The following TRPS1 variants were observed in gnomAD, a reference collection of about 807,000 sequenced individuals.
The protein encoded by TRPS1 is zinc finger transcription factor Trps1.
Under a neutral mutation model 101.2 loss-of-function variants are expected in TRPS1, and 6 were observed. That is an observed-to-expected ratio of 0.06 (90% CI 0.03 to 0.12). The LOEUF is 0.12. Among genes scored for constraint, TRPS1 ranks in the 10% least tolerant of loss-of-function variants. TRPS1 has a pLI of 1.00. For synonymous variants in TRPS1, 578 were observed against 589.8 expected (o/e 0.98, Z 0.29); for missense variants, 1,363 against 1,567.0 (o/e 0.87, Z 2.20).
intron 5 of TRPS1, among the ~76,000 whole-genome samples, chr8:115,499,079 C>T (rs1376886264): frequency 6.6e-6 from 1 of 152,118 alleles, no homozygotes; most frequent in Non-Finnish European, 1.5e-5. Flanking sequence ...TCAAGCAGAA[C>T]TTATAACTAT....
rs374694464 is a variant in TRPS1, at chr8:115,576,322, G to GATATAGATATAGATATAGATATAT, written c.2700+10678_2700+10679insATATATCTATATCTATATCTATAT. ...AGATATAGATATAGATATAGATCTA[G>GATATAGATATAGATATAGATATAT]ATCTTTGGACATCAGCATCATTACG... On this transcript the variant is annotated intron_variant, in intron 5 of 6. Coordinates refer to ENST00000395715, the MANE Select transcript of TRPS1 (RefSeq NM_014112.5). Among the ~76,000 whole-genome samples the GATATAGATATAGATATAGATATAT allele has an allele frequency of 2.1e-4, 30 of 143,270 alleles. 3 individuals carry two copies. The highest frequency in any genetic ancestry group is 6.1e-4 in the African/African-American group (23 of 37,752). 94.0% of individuals were successfully genotyped at this position (143,270 alleles called of 152,430 possible). A position where few individuals can be genotyped will look rare whatever the true frequency, so the allele number is the denominator to read the frequency against.
At chr8:115,616,237 A>T (rs1405652859) in intron 3 of TRPS1, among the ~76,000 whole-genome samples, 2 of 152,176 alleles carry the variant, frequency 1.3e-5, no homozygotes, top group Non-Finnish European at 2.9e-5. Context: ...GTATTTTTAC[A>T]AAGTTGTAAT....
intron 5 of TRPS1, among the ~76,000 whole-genome samples, chr8:115,513,206 T>C (rs1280769491): frequency 6.6e-6 from 1 of 151,754 alleles, no homozygotes; most frequent in African/African-American, 2.4e-5. Flanking sequence ...ATGAATTCAG[T>C]TGCCTTCAAT....
intron 5 of TRPS1, among the ~76,000 whole-genome samples, chr8:115,504,068 T>C (rs1815382848): frequency 6.6e-6 from 1 of 152,226 alleles, no homozygotes; most frequent in Admixed American, 6.5e-5. Context: ...GTTAACTTCC[T>C]TGTATTCTTG....
At chr8:115,557,243 G>T (rs1816842952) in intron 5 of TRPS1, among the ~76,000 whole-genome samples, 1 of 152,082 alleles carries the variant, frequency 6.6e-6, no homozygotes, top group Non-Finnish European at 1.5e-5. Context: ...TTCAAGACTA[G>T]ATTTGGGTGG....
intron 4 of TRPS1, among the ~76,000 whole-genome samples, chr8:115,588,054 A>T (rs1817607628): frequency 6.6e-6 from 1 of 152,244 alleles, no homozygotes; most frequent in Non-Finnish European, 1.5e-5. Context: ...CACCTGATTT[A>T]AAATGCCCTT....
intron 5 of TRPS1, among the ~76,000 whole-genome samples, chr8:115,525,933 T>G (rs1022206380): frequency 1.3e-5 from 2 of 152,116 alleles, no homozygotes; most frequent in Non-Finnish European, 2.9e-5. Flanking sequence ...GTTAAGCAAA[T>G]CTTTCAGCTA....
chr8:115,667,916 A>G (rs774205217), intron 1 of TRPS1: 1 of 1,535,372 alleles, frequency 6.5e-7, no homozygotes, highest in South Asian at 1.2e-5. Context: ...GCTTGTCACG[A>G]GCCCCCAGAA....
In TRPS1 at chr8:115,635,463, A is replaced by T. The variant is rs180737745; in HGVS notation, c.-121-11705T>A. ...CATTCAACATAGTTTCTGAGGGCCA[A>T]CTATGTGTCAGGCATTGAGTAAAGT... On this transcript the variant is annotated intron_variant, in intron 1 of 6. Transcript: ENST00000395715. 1.9e-3 allele frequency among the ~76,000 whole-genome samples: 292 copies of T among 152,318 alleles called. 1 individual carries two copies. Among genetic ancestry groups the T allele is most frequent in the Non-Finnish European group, 3.4e-3 (229 of 68,034 alleles).
intron 1 of TRPS1, among the ~76,000 whole-genome samples, chr8:115,642,383 T>G (rs1818921996): frequency 6.6e-6 from 1 of 152,018 alleles, no homozygotes; most frequent in Admixed American, 6.6e-5. Flanking sequence ...AATACAGAAC[T>G]GTGTTTAAAT....
chr8:115,454,655 A>C (rs370025643), intron 5 of TRPS1, among the ~76,000 whole-genome samples: 1 of 152,280 alleles, frequency 6.6e-6, no homozygotes, highest in Non-Finnish European at 1.5e-5. Context: ...CTGCTGAGTT[A>C]AATTTTATTA....
chr8:115,423,973 TTGAA>T, intron 5 of TRPS1, among the ~76,000 whole-genome samples: 1 of 152,338 alleles, frequency 6.6e-6, no homozygotes, highest in South Asian at 2.1e-4. Flanking sequence ...GTAAATTTGA[TTGAA>T]TGATTTATTA....
intron 5 of TRPS1, among the ~76,000 whole-genome samples, chr8:115,585,497 T>C (rs553564762): frequency 2.0e-5 from 3 of 152,286 alleles, no homozygotes; most frequent in South Asian, 4.1e-4. Flanking sequence ...GGCCCCCAAA[T>C]ATACCATACT....
At position 115,604,657 on chromosome 8, in the gene TRPS1, G is replaced by T. The variant is rs1563637904; in HGVS notation, c.1312C>A (p.Gln438Lys). ...TAACTGGTGGCCTCTGTACCATTTT[G>T]TCTAGAGGAATCGAGGGGCTTTATG... ...VPIKPLDSSR[Q>K]NGTEATSYYW... Residue 438 changes from glutamine to lysine, a missense_variant, in exon 4 of 7, where the codon CAA (glutamine) becomes AAA (lysine). This residue lies in a region of TRPS1 where 1,020 missense variants were observed against 1,073.0 expected (regional missense o/e 0.95). Coordinates refer to ENST00000395715, the MANE Select transcript of TRPS1 (RefSeq NM_014112.5). This position sits in a 1 kb window ranked among gnomAD's most constrained non-coding sequence, Gnocchi z 4.1. The T allele has an allele frequency of 1.2e-6, 2 of 1,614,008 alleles. No individual in the cohort carries two copies. The highest frequency in any genetic ancestry group is 1.7e-6 in the Non-Finnish European group (2 of 1,179,996).
chr8:115,523,380 T>C (rs1444123553), intron 5 of TRPS1, among the ~76,000 whole-genome samples: 1 of 152,132 alleles, frequency 6.6e-6, no homozygotes, highest in African/African-American at 2.4e-5. Context: ...TGGCTATGCT[T>C]TTCTTTTCTA....
chr8:115,505,506 T>A (rs572030384), intron 5 of TRPS1, among the ~76,000 whole-genome samples: 1 of 152,280 alleles, frequency 6.6e-6, no homozygotes, highest in East Asian at 1.9e-4. Context: ...ACCTTGATAG[T>A]GTATCTTCTG....
chr8:115,610,915 G>A (rs1030290526), intron 3 of TRPS1, among the ~76,000 whole-genome samples: 2 of 152,068 alleles, frequency 1.3e-5, no homozygotes, highest in East Asian at 3.9e-4. Flanking sequence ...TCAGGAGTTC[G>A]AGACCAGCCT....
Position 115,604,257 on chromosome 8 carries a change from T to C in TRPS1, c.1712A>G (p.Lys571Arg). 2 of 1,614,080 alleles carry C rather than the reference T, an allele frequency of 1.2e-6. No individual in the cohort carries two copies. The highest frequency in any genetic ancestry group is 1.7e-6 in the Non-Finnish European group (2 of 1,180,012). Residue 571 changes from lysine to arginine, a missense_variant, in exon 4 of 7, where the codon AAG becomes AGG. Transcript: ENST00000395715. The surrounding 1 kb of genome is among the most constrained non-coding windows in gnomAD (Gnocchi z 4.1). The part of the protein sequence containing the change: ...RHYQQLHNIH[K>R]CTIKHCPFCP... The stretch of plus-strand genomic sequence containing the variant: ...GAATGGACAGTGTTTAATGGTACAC[T>C]TGTGAATGTTATGGAGCTGTTGATA...
intron 1 of TRPS1, among the ~76,000 whole-genome samples, chr8:115,661,039 G>T (rs1811781267): frequency 6.6e-6 from 1 of 151,928 alleles, no homozygotes. Context: ...TAAAGTGGTA[G>T]CCCATAAAGT....
Sources: gnomAD v4.1 joint callset for allele counts (sites outside exome capture counted in the v4.1 genomes callset) on GRCh38, gnomAD v4.1.1 for gene constraint, gnomAD v4.1.1 regional missense constraint, Gnocchi (gnomAD v3.1) non-coding constraint, MANE v1.5 for transcripts, NCBI Gene and HGNC (gene_info 2026-07-23, HGNC 2026-07-21) for gene names.